The following DNAH3 variants were observed in gnomAD, a reference collection of about 807,000 sequenced individuals.
DNAH3 encodes dynein axonemal heavy chain 3.
In DNAH3, 332 loss-of-function variants were observed where a neutral mutation model predicts 432.5. The observed-to-expected ratio is 0.77, with a 90% CI of 0.70 to 0.84. DNAH3 has a LOEUF of 0.84. Among genes scored for constraint, DNAH3 ranks in the 40% least tolerant of loss-of-function variants. DNAH3 has a pLI of 0.00. For synonymous variants in DNAH3, 1,956 were observed against 1,900.2 expected (o/e 1.03, Z -0.76); for missense variants, 4,861 against 5,114.0 (o/e 0.95, Z 1.51).
At chr16:21,150,646 C>A (rs2092842662) in intron 1 of DNAH3, 105 bp downstream of exon 1, 1 of 186,518 alleles carries the variant, frequency 5.4e-6, no homozygotes, top group Admixed American at 5.5e-5. Context: ...CTTCCTTTCC[C>A]TTGAGTGCTT....
chr16:21,019,888 A>C lies in DNAH3; in HGVS notation c.5777-19T>G, dbSNP rs780313416. 1 of 1,612,788 alleles carries C rather than the reference A, an allele frequency of 6.2e-7. No homozygotes were observed. The highest frequency in any genetic ancestry group is 1.7e-5 in the Admixed American group (1 of 59,946). On this transcript the variant is annotated intron_variant, in intron 40 of 61. Coordinates refer to ENST00000261383, the Ensembl canonical transcript of DNAH3. ...ATTTCATCTAAAAGTGAGAAAAGCG[A>C]ATCTCAGGACAGAGTGCAGAATGCC...
At chr16:20,941,012 A>G (rs566806708) in intron 59 of DNAH3, among the ~76,000 whole-genome samples, 10 of 152,198 alleles carry the variant, frequency 6.6e-5, no homozygotes, top group Non-Finnish European at 1.3e-4. Flanking sequence ...AGGTGGGAGG[A>G]CTGCTTGAGC....
intron 40 of DNAH3, among the ~76,000 whole-genome samples, chr16:21,020,377 A>G (rs2088121122): frequency 3.1e-5 from 1 of 32,382 alleles, no homozygotes; most frequent in Admixed American, 3.9e-4. Context: ...TAAAATCACT[A>G]TATATATATA....
rs577245105 is a variant in DNAH3, at chr16:21,061,647, T to C, written c.3720+835A>G. 1.1e-4 allele frequency among the ~76,000 whole-genome samples: 16 copies of C among 152,374 alleles called. 1 individual carries two copies. The highest frequency in any genetic ancestry group is 2.6e-4 in the African/African-American group (11 of 41,594). On this transcript the variant is annotated intron_variant, in intron 25 of 61. Coordinates refer to ENST00000261383, the Ensembl canonical transcript of DNAH3. ...CTTTTAAATGAACAGCTCTGATTCA[T>C]GCATTATTCCAGTGGGTCTCAAACT... is the stretch of plus-strand genomic sequence containing the variant.
chr16:21,072,828 T>TTATTATTATTATTATTATTATTAC (rs1311576750), intron 21 of DNAH3, among the ~76,000 whole-genome samples: 15 of 147,458 alleles, frequency 1.0e-4, no homozygotes, highest in African/African-American at 3.8e-4. Flanking sequence ...ATTATTATTA[T>TTATTATTATTATTATTATTATTAC]TATTATTATT....
chr16:21,068,346 G>A (rs917848641), intron 23 of DNAH3, among the ~76,000 whole-genome samples: 3 of 150,060 alleles, frequency 2.0e-5, no homozygotes, highest in Non-Finnish European at 3.0e-5. Flanking sequence ...ACAGAGTCTC[G>A]CTCTGTTGCC....
At chr16:21,000,159 C>G in intron 43 of DNAH3, 65 bp downstream of exon 43, 2 of 1,542,424 alleles carry the variant, frequency 1.3e-6, no homozygotes, top group East Asian at 2.3e-5. Flanking sequence ...CAAGCAGAAG[C>G]TATAGTTTGC....
At chr16:21,137,579 C>G (rs1439446114) in intron 5 of DNAH3, among the ~76,000 whole-genome samples, 2 of 152,046 alleles carry the variant, frequency 1.3e-5, no homozygotes, top group Non-Finnish European at 2.9e-5. Context: ...TGCACCACCA[C>G]AGCCAGCTAA....
rs1362104273 is a variant in DNAH3 at position 21,051,038 on chromosome 16, AAATG to A, written c.4238+628_4238+631del. On this transcript the variant is annotated intron_variant, in intron 29 of 61. Coordinates refer to ENST00000261383, the Ensembl canonical transcript of DNAH3. Reference sequence around the variant, plus strand: ...TTGTTGAATAATAAGTGGAATAAATAAATGAATGAAGAGCAAAAATCATAGACCA... The same window carrying A: ...TTGTTGAATAATAAGTGGAATAAATAAATGAAGAGCAAAAATCATAGACCA... Among the ~76,000 whole-genome samples, 4 of 152,352 alleles carry A rather than the reference AAATG, an allele frequency of 2.6e-5. No individual in the cohort carries two copies. The East Asian group carries it at 5.8e-4, about 22-fold the overall frequency.
chr16:21,020,016 A>G, intron 40 of DNAH3, 147 bp from the exon 41 acceptor site: 1 of 855,924 alleles, frequency 1.2e-6, no homozygotes, highest in African/African-American at 1.8e-5. Flanking sequence ...AGATCATTTC[A>G]CATGCATTTT....
chr16:20,957,213 AT>A (rs1300943330), intron 54 of DNAH3, among the ~76,000 whole-genome samples: 2 of 152,068 alleles, frequency 1.3e-5, no homozygotes, highest in African/African-American at 4.8e-5. Context: ...GGGTTGACAA[AT>A]TTTTTTCTGT....
At chr16:21,024,510 A>C in intron 39 of DNAH3, 86 bp downstream of exon 39, 1 of 921,574 alleles carries the variant, frequency 1.1e-6, no homozygotes, top group Non-Finnish European at 1.6e-6. Flanking sequence ...TCCAGGGACT[A>C]TGAAGGTGAA....
chr16:21,009,882 C>A (rs570690275), intron 41 of DNAH3, among the ~76,000 whole-genome samples: 5 of 104,398 alleles, frequency 4.8e-5, no homozygotes, highest in Non-Finnish European at 8.6e-5. Context: ...GAGGCTCTGT[C>A]AAGAAAAGAA....
At chr16:21,111,693 G>T in exon 14 of DNAH3, 1 of 1,613,974 alleles carries the variant, frequency 6.2e-7, no homozygotes, top group South Asian at 1.1e-5. Flanking sequence ...TTTTGAGCTC[G>T]CTCACAGAGA....
At chr16:20,964,251 C>A in exon 53 of DNAH3, 1 of 1,614,156 alleles carries the variant, frequency 6.2e-7, no homozygotes, top group Non-Finnish European at 8.5e-7. Context: ...GCTTCTCCTT[C>A]GCAGCCACGA....
chr16:21,125,421 A>T, intron 8 of DNAH3, 51 bp from the exon 10 acceptor site: 1 of 1,481,812 alleles, frequency 6.7e-7, no homozygotes, highest in Non-Finnish European at 9.0e-7. Flanking sequence ...GGCTCCGAGG[A>T]ACCCACTTGC....
At position 21,049,818 on chromosome 16, in the gene DNAH3, G is replaced by A. The variant is rs949200873; in HGVS notation, c.4347+92C>T. On this transcript the variant is annotated intron_variant, in intron 30 of 61. Transcript: ENST00000261383. Reference sequence around the variant, plus strand: ...GCTGGGGCCCATGCTGCCTGTTAATGCTAAACCATCTTAAAGTTGATGCCT... The same window carrying A: ...GCTGGGGCCCATGCTGCCTGTTAATACTAAACCATCTTAAAGTTGATGCCT... 6 of 1,363,004 alleles carry A rather than the reference G, an allele frequency of 4.4e-6. No individual in the cohort carries two copies. The African/African-American group carries it at 5.7e-5, about 13-fold the overall frequency. The allele number at this position is 1,363,004 out of a possible 1,614,324, so 84.4% of individuals were successfully genotyped here. A position where few individuals can be genotyped will look rare whatever the true frequency, so the allele number is the denominator to read the frequency against.
chr16:21,008,203 G>C (rs1291488758), intron 41 of DNAH3, among the ~76,000 whole-genome samples: 2 of 150,386 alleles, frequency 1.3e-5, no homozygotes, highest in South Asian at 2.1e-4. Flanking sequence ...TCTCTCCTCT[G>C]TCTCTCTCTC....
intron 44 of DNAH3, among the ~76,000 whole-genome samples, chr16:20,992,278 C>T (rs992665629): frequency 9.9e-5 from 15 of 152,210 alleles, no homozygotes; most frequent in Admixed American, 3.9e-4. Flanking sequence ...GATGTGAGTC[C>T]GGTAATCTTT....
Sources: gnomAD v4.1 joint callset for allele counts (sites outside exome capture counted in the v4.1 genomes callset) on GRCh38, gnomAD v4.1.1 for gene constraint, MANE v1.5 for transcripts, NCBI Gene and HGNC (gene_info 2026-07-23, HGNC 2026-07-21) for gene names.